NBAS: variants seen among roughly 807,000 people sequenced by gnomAD.
NBAS encodes the protein NBAS subunit of NRZ tethering complex, also known as NAG/BC035112 fusion.
In NBAS, 219 loss-of-function variants were observed where a neutral mutation model predicts 302.5. That is an observed-to-expected ratio of 0.72 (90% CI 0.65 to 0.81). NBAS has a LOEUF of 0.81. Among genes scored for constraint, NBAS ranks in the 30% least tolerant of loss-of-function variants. NBAS has a pLI of 0.00. For synonymous variants in NBAS, 1,118 were observed against 1,021.6 expected (o/e 1.09, Z -1.80); for missense variants, 2,932 against 2,841.6 (o/e 1.03, Z -0.72).
At chr2:14,845,721 A>G in the NBAS span, among the ~76,000 whole-genome samples, 1 of 152,234 alleles carries the variant, frequency 6.6e-6, no homozygotes, top group South Asian at 2.1e-4. Context: ...AAAATAATTA[A>G]AAAGAATTAA....
chr2:15,271,783 T>C (rs1341285672), intron 44 of NBAS, among the ~76,000 whole-genome samples: 1 of 152,226 alleles, frequency 6.6e-6, no homozygotes, highest in African/African-American at 2.4e-5. Flanking sequence ...TGACCTGCCT[T>C]TCAGCCTCTT....
the NBAS span, among the ~76,000 whole-genome samples, chr2:15,116,409 C>CAGAGAGAG: frequency 4.8e-4 from 72 of 150,102 alleles, no homozygotes; most frequent in African/African-American, 1.6e-3. Context: ...CCCCACATGG[C>CAGAGAGAG]AGAGAGAGAG....
rs1395091352 is a variant in NBAS, at chr2:15,554,158, G to C, written c.210-20C>G. On this transcript the variant is annotated intron_variant, in intron 3 of 51. Transcript: ENST00000281513. ...GCCGGGCTGAAATCACAACACATTA[G>C]TTAGCTTAAAATCTAATCATGAAAA... The C allele has an allele frequency of 6.2e-7, 1 of 1,602,710 alleles. No homozygotes were observed. The highest frequency in any genetic ancestry group is 8.5e-7 in the Non-Finnish European group (1 of 1,171,172).
At chr2:14,963,225 GA>G in the NBAS span, among the ~76,000 whole-genome samples, 1 of 152,106 alleles carries the variant, frequency 6.6e-6, no homozygotes, top group African/African-American at 2.4e-5. Context: ...CCAAGATCGC[GA>G]CCCAGCACTC....
Position 15,418,890 on chromosome 2 carries a change from A to C in NBAS, c.2578-1178T>G, listed in dbSNP as rs193162565. ...AACACGCAGCTGATCAGGAAGGCAGAGGATTTCTGAATGAGACATGTCACA... is the reference window on the plus strand; with the variant it reads ...AACACGCAGCTGATCAGGAAGGCAGCGGATTTCTGAATGAGACATGTCACA... On this transcript the variant is annotated intron_variant, in intron 23 of 51. Coordinates refer to ENST00000281513, the MANE Select transcript of NBAS (RefSeq NM_015909.4). Among the ~76,000 whole-genome samples the C allele has an allele frequency of 5.9e-5, 9 of 152,352 alleles. No homozygotes were observed. The East Asian group carries it at 1.5e-3, about 26-fold the overall frequency.
the NBAS span, among the ~76,000 whole-genome samples, chr2:14,785,942 A>G: frequency 6.6e-6 from 1 of 152,148 alleles, no homozygotes; most frequent in Non-Finnish European, 1.5e-5. Flanking sequence ...CTGTGAATCC[A>G]TCTGGTCCTG....
chr2:15,362,017 T>C (rs1352768932), intron 32 of NBAS, among the ~76,000 whole-genome samples: 1 of 151,252 alleles, frequency 6.6e-6, no homozygotes, highest in Non-Finnish European at 1.5e-5. Context: ...ATAGAAAATA[T>C]GTTTAGGGCC....
At chr2:15,285,489 C>T (rs1669996042) in intron 42 of NBAS, among the ~76,000 whole-genome samples, 1 of 152,134 alleles carries the variant, frequency 6.6e-6, no homozygotes, top group South Asian at 2.1e-4. Context: ...TCTGTTCTTT[C>T]CCCAAGCATA....
intron 4 of NBAS, among the ~76,000 whole-genome samples, 176 bp downstream of exon 4, chr2:15,553,871 CCTCTCTCTCTCCCT>C (rs1394099412): frequency 1.5e-4 from 5 of 33,742 alleles, no homozygotes; most frequent in Non-Finnish European, 5.8e-4. Context: ...TCCCTCTCTC[CCTCTCTCTCTCCCT>C]CTCTCTCTTT....
At chr2:14,872,789 G>A in the NBAS span, among the ~76,000 whole-genome samples, 83 of 152,034 alleles carry the variant, frequency 5.5e-4, no homozygotes, top group Non-Finnish European at 1.1e-3. Context: ...CCTCCCAGTC[G>A]GTTGGCAGTC....
At chr2:15,028,394 T>C in the NBAS span, among the ~76,000 whole-genome samples, 2 of 152,242 alleles carry the variant, frequency 1.3e-5, no homozygotes, top group Non-Finnish European at 2.9e-5. Flanking sequence ...TATTATCTAA[T>C]GTGTTTAGAA....
chr2:15,178,539 T>A (rs562455764), intron 51 of NBAS, among the ~76,000 whole-genome samples: 1 of 152,338 alleles, frequency 6.6e-6, no homozygotes, highest in South Asian at 2.1e-4. Context: ...AGATTTCAGA[T>A]GGTGCCAGTA....
At chr2:15,383,473 T>C (rs1158191783) in intron 28 of NBAS, among the ~76,000 whole-genome samples, 156 bp from the exon 29 acceptor site, 1 of 152,100 alleles carries the variant, frequency 6.6e-6, no homozygotes, top group Non-Finnish European at 1.5e-5. Flanking sequence ...CTCCTTTAAA[T>C]AGACAGGAAA....
chr2:15,173,176 A>T (rs1216494694), intron 51 of NBAS, among the ~76,000 whole-genome samples: 1 of 152,228 alleles, frequency 6.6e-6, no homozygotes, highest in Admixed American at 6.5e-5. Flanking sequence ...TTTTGAGAAT[A>T]AATGATACTT....
chr2:15,105,681 A>G, the NBAS span, among the ~76,000 whole-genome samples: 1 of 152,214 alleles, frequency 6.6e-6, no homozygotes, highest in Middle Eastern at 3.4e-3. Context: ...CTAGGTCTCT[A>G]CCTTGTGTAC....
At chr2:15,232,638 T>C in intron 46 of NBAS, 127 bp from the exon 47 acceptor site, 1 of 779,716 alleles carries the variant, frequency 1.3e-6, no homozygotes, top group Non-Finnish European at 2.2e-6. Flanking sequence ...CATAGTCATT[T>C]GTGCTATGTG....
At chr2:15,439,017 C>T (rs937772867) in intron 21 of NBAS, among the ~76,000 whole-genome samples, 27 of 152,116 alleles carry the variant, frequency 1.8e-4, no homozygotes, top group African/African-American at 4.8e-4. Context: ...ATTACCCGGC[C>T]GGGCACGGTG....
At chr2:14,874,460 A>AC in the NBAS span, among the ~76,000 whole-genome samples, 11 of 112,098 alleles carry the variant, frequency 9.8e-5, no homozygotes, top group African/African-American at 3.9e-4. Flanking sequence ...CCCCGTCTCT[A>AC]CTTAAAAAAA....
At chr2:14,825,192 G>C in the NBAS span, among the ~76,000 whole-genome samples, 1 of 152,302 alleles carries the variant, frequency 6.6e-6, no homozygotes, top group South Asian at 2.1e-4. Context: ...GAACATCAAT[G>C]TGCTTCATGA....
Sources: gnomAD v4.1 joint callset for allele counts (sites outside exome capture counted in the v4.1 genomes callset) on GRCh38, gnomAD v4.1.1 for gene constraint, MANE v1.5 for transcripts, NCBI Gene and HGNC (gene_info 2026-07-23, HGNC 2026-07-21) for gene names.